The following FGGY variants were observed in gnomAD, a reference collection of about 807,000 sequenced individuals.
FGGY encodes FGGY carbohydrate kinase domain-containing protein.
Under a neutral mutation model 71.3 loss-of-function variants are expected in FGGY, and 72 were observed. The ratio of observed to expected loss-of-function variants is 1.01; its 90% CI spans 0.84 to 1.23. The LOEUF (loss-of-function observed/expected upper bound fraction) is 1.23. FGGY is among the 50% of genes most tolerant of loss of function. The probability of loss-of-function intolerance (pLI) is 0.00; values close to 1 mark genes in which losing one functional copy is unlikely to be tolerated. For synonymous variants in FGGY, 251 were observed against 250.3 expected (o/e 1.00, Z -0.02); for missense variants, 668 against 682.3 (o/e 0.98, Z 0.23).
intron 8 of FGGY, among the ~76,000 whole-genome samples, chr1:59,565,033 T>TC (rs1479214313): frequency 2.6e-5 from 4 of 152,086 alleles, no homozygotes; most frequent in Admixed American, 6.5e-5. Context: ...TGGGTTCTTC[T>TC]CCCAAGGGTA....
chr1:59,424,828 G>A (rs1156575396), intron 5 of FGGY, among the ~76,000 whole-genome samples: 3 of 152,158 alleles, frequency 2.0e-5, no homozygotes, highest in Non-Finnish European at 4.4e-5. Context: ...ATTTGTGTGG[G>A]TTGAAGTGGT....
intron 8 of FGGY, among the ~76,000 whole-genome samples, chr1:59,596,292 T>C (rs2096523964): frequency 6.6e-6 from 1 of 152,024 alleles, no homozygotes; most frequent in Admixed American, 6.5e-5. Context: ...ATTTTTTTTT[T>C]CTTTTTTCCT....
chr1:59,601,175 A>G (rs2096574137), intron 8 of FGGY, among the ~76,000 whole-genome samples: 1 of 152,104 alleles, frequency 6.6e-6, no homozygotes. Context: ...ACTCAAAACA[A>G]AACCTCCTGT....
intron 14 of FGGY, among the ~76,000 whole-genome samples, chr1:59,682,086 T>C (rs535718517): frequency 3.9e-4 from 60 of 152,306 alleles, no homozygotes; most frequent in Non-Finnish European, 7.2e-4. Context: ...AGTTACACCA[T>C]ATGAAAAATT....
chr1:59,617,144 C>T (rs1377726580), intron 9 of FGGY, among the ~76,000 whole-genome samples: 1 of 152,012 alleles, frequency 6.6e-6, no homozygotes, highest in Non-Finnish European at 1.5e-5. Context: ...GGTGTCTGCT[C>T]CAGTAGTACA....
At chr1:59,402,542 TTA>T (rs1234247884) in intron 5 of FGGY, among the ~76,000 whole-genome samples, 2 of 152,208 alleles carry the variant, frequency 1.3e-5, no homozygotes, top group Non-Finnish European at 2.9e-5. Context: ...ATTAATATAA[TTA>T]TATGTTTTTG....
rs187573371 is a variant in FGGY at position 59,611,924 on chromosome 1, T to C, written c.1011+4014T>C. Among the ~76,000 whole-genome samples the C allele has an allele frequency of 3.9e-3, 599 of 152,120 alleles. 5 individuals carry two copies. Among genetic ancestry groups the C allele is most frequent in the Middle Eastern group, 6.8e-3 (2 of 294 alleles). ...GTGATGGAAGATCAAATGAATGAAA[T>C]GAAGCTACAAGAGAAGTTTAGAGAA... On this transcript the variant is annotated intron_variant, in intron 9 of 15. Transcript: ENST00000303721.
intron 14 of FGGY, among the ~76,000 whole-genome samples, chr1:59,703,294 A>G (rs2097725648): frequency 6.6e-6 from 1 of 152,140 alleles, no homozygotes; most frequent in African/African-American, 2.4e-5. Context: ...GTCCAGTGCT[A>G]TTTACTGAGT....
intron 2 of FGGY, among the ~76,000 whole-genome samples, chr1:59,328,845 C>T (rs1235759514): frequency 1.3e-5 from 2 of 151,960 alleles, no homozygotes; most frequent in Non-Finnish European, 2.9e-5. Flanking sequence ...AATAGCTAGT[C>T]TGTGGAGCAG....
chr1:59,498,004 G>A (rs1193677888), intron 6 of FGGY, among the ~76,000 whole-genome samples: 1 of 152,164 alleles, frequency 6.6e-6, no homozygotes, highest in Admixed American at 6.5e-5. Flanking sequence ...CAGGACACAA[G>A]GGAGTAAGAA....
chr1:59,587,691 T>C (rs982398832), intron 8 of FGGY, among the ~76,000 whole-genome samples: 4 of 152,226 alleles, frequency 2.6e-5, no homozygotes, highest in African/African-American at 9.6e-5. Context: ...AAACAGGGTC[T>C]GGAGTGGACC....
intron 5 of FGGY, among the ~76,000 whole-genome samples, chr1:59,417,388 G>A (rs909674319): frequency 3.3e-5 from 5 of 152,172 alleles, no homozygotes; most frequent in African/African-American, 4.8e-5. Flanking sequence ...ATGCTGCTGT[G>A]AACACTGATT....
At chr1:59,415,448 G>T (rs2064229406) in intron 5 of FGGY, among the ~76,000 whole-genome samples, 1 of 152,122 alleles carries the variant, frequency 6.6e-6, no homozygotes, top group Admixed American at 6.5e-5. Context: ...AATTATTACT[G>T]TTGGCTAATA....
At chr1:59,297,777 C>T (rs945588974) in intron 1 of FGGY, among the ~76,000 whole-genome samples, 2 of 150,550 alleles carry the variant, frequency 1.3e-5, no homozygotes, top group African/African-American at 2.5e-5. Flanking sequence ...GAGCTGAGAT[C>T]GTGCCACTGC....
At chr1:59,671,238 C>G (rs1457792602) in intron 13 of FGGY, among the ~76,000 whole-genome samples, 1 of 152,076 alleles carries the variant, frequency 6.6e-6, no homozygotes, top group African/African-American at 2.4e-5. Flanking sequence ...TCAGTCAGGT[C>G]CAGGCAGGGA....
chr1:59,478,730 A>G (rs1357703643), intron 6 of FGGY, among the ~76,000 whole-genome samples: 1 of 151,964 alleles, frequency 6.6e-6, no homozygotes, highest in African/African-American at 2.4e-5. Context: ...AGTGTAGATG[A>G]TATTTGAAGC....
chr1:59,553,060 C>T (rs2095633539), intron 7 of FGGY, among the ~76,000 whole-genome samples: 1 of 152,164 alleles, frequency 6.6e-6, no homozygotes, highest in African/African-American at 2.4e-5. Flanking sequence ...GTCGGCCTGA[C>T]AGCGAGGTTG....
intron 5 of FGGY, among the ~76,000 whole-genome samples, chr1:59,398,864 C>A (rs747733948): frequency 1.3e-5 from 2 of 152,152 alleles, no homozygotes; most frequent in Non-Finnish European, 2.9e-5. Flanking sequence ...ACTGTCTTCT[C>A]AAAGAACTCA....
intron 1 of FGGY, among the ~76,000 whole-genome samples, chr1:59,310,396 G>A (rs184787969): frequency 9.8e-5 from 15 of 152,340 alleles, no homozygotes; most frequent in African/African-American, 3.4e-4. Flanking sequence ...AACTCAAAGA[G>A]AGGTCAGGAA....
Sources: allele counts gnomAD v4.1 joint callset (sites outside exome capture counted in the v4.1 genomes callset), GRCh38; gene constraint gnomAD v4.1.1; transcripts MANE v1.5; gene names NCBI Gene and HGNC (gene_info 2026-07-23, HGNC 2026-07-21).